Variants in RGS7 observed in about 807,000 individuals in gnomAD.
RGS7 encodes regulator of G protein signaling 7, also known as regulator of G-protein signaling 7.
A neutral mutation model predicts 81.1 loss-of-function variants in RGS7; 27 were observed. The observed-to-expected ratio is 0.33, with a 90% CI of 0.25 to 0.46. The LOEUF is 0.46. Ranked by LOEUF, RGS7 falls within the 20% of genes least tolerant of loss-of-function variation. RGS7 has a pLI of 1.00. For missense variants in RGS7, 396 were observed against 607.4 expected, an observed-to-expected ratio of 0.65 and a Z score of 3.66; for synonymous variants, 208 against 207.7, an observed-to-expected ratio of 1.00 and a Z score of -0.01.
At chr1:241,162,745 C>T (rs762099367) in intron 2 of RGS7, among the ~76,000 whole-genome samples, 2 of 152,178 alleles carry the variant, frequency 1.3e-5, no homozygotes, top group African/African-American at 2.4e-5. Context: ...CTGGTCACAC[C>T]ATCAAGTAAG....
At chr1:240,935,296 A>C (rs1348207458) in intron 5 of RGS7, among the ~76,000 whole-genome samples, 1 of 152,166 alleles carries the variant, frequency 6.6e-6, no homozygotes, top group Non-Finnish European at 1.5e-5. Context: ...AAAATCAGGA[A>C]GCATTAGTCA....
intron 2 of RGS7, among the ~76,000 whole-genome samples, chr1:241,343,000 C>T (rs1190924238): frequency 2.0e-5 from 3 of 152,122 alleles, no homozygotes; most frequent in Admixed American, 6.5e-5. Flanking sequence ...CGGTGGCTCA[C>T]ACCTGGAATC....
chr1:241,057,838 G>A (rs1256427888), intron 3 of RGS7, among the ~76,000 whole-genome samples: 1 of 152,094 alleles, frequency 6.6e-6, no homozygotes, highest in East Asian at 1.9e-4. Context: ...CTCCAGCCTG[G>A]GCGACAAAGC....
intron 2 of RGS7, among the ~76,000 whole-genome samples, chr1:241,148,051 C>CTTTTTTTTT (rs58632066): frequency 3.7e-5 from 4 of 108,494 alleles, no homozygotes; most frequent in Non-Finnish European, 5.5e-5. Context: ...TTTTCTTTTT[C>CTTTTTTTTT]TTTTTTTTTT....
At chr1:241,321,538 T>A (rs2081214914) in intron 2 of RGS7, among the ~76,000 whole-genome samples, 1 of 152,158 alleles carries the variant, frequency 6.6e-6, no homozygotes, top group Non-Finnish European at 1.5e-5. Context: ...AAAGATTTTT[T>A]TAACTATTTC....
At chr1:241,148,353 A>C (rs904197116) in intron 2 of RGS7, among the ~76,000 whole-genome samples, 1 of 152,112 alleles carries the variant, frequency 6.6e-6, no homozygotes, top group African/African-American at 2.4e-5. Flanking sequence ...GACTGGCCTC[A>C]GATTTTCTAT....
intron 2 of RGS7, among the ~76,000 whole-genome samples, chr1:241,184,268 A>G (rs777423159): frequency 1.4e-4 from 22 of 152,222 alleles, no homozygotes; most frequent in Non-Finnish European, 2.8e-4. Flanking sequence ...TCAAGAGCCA[A>G]TAAAAACATG....
rs901636054 is a variant in RGS7, at chr1:241,294,282, A to T, written c.78+61417T>A. Among the ~76,000 whole-genome samples, 4 of 148,780 alleles carry T rather than the reference A, an allele frequency of 2.7e-5. No individual in the cohort carries two copies. The East Asian group carries it at 8.3e-4, about 31-fold the overall frequency. On this transcript the variant is annotated intron_variant, in intron 2 of 18. Transcript: ENST00000440928. ...AGGGAGGGGAACATCACACACTGGGACCTGTCGGGGGTGGGGGGCAAGAAC... is the reference window on the plus strand; with the variant it reads ...AGGGAGGGGAACATCACACACTGGGTCCTGTCGGGGGTGGGGGGCAAGAAC...
At chr1:241,054,800 T>C (rs2061404868) in intron 3 of RGS7, among the ~76,000 whole-genome samples, 1 of 152,216 alleles carries the variant, frequency 6.6e-6, no homozygotes, top group African/African-American at 2.4e-5. Context: ...TCCTTTCCAC[T>C]GTTTCCACCT....
chr1:241,251,251 C>G (rs1044216029), intron 2 of RGS7, among the ~76,000 whole-genome samples: 6 of 152,092 alleles, frequency 3.9e-5, no homozygotes, highest in African/African-American at 1.4e-4. Flanking sequence ...GAAAAAGTAC[C>G]TGAAGCCTTT....
At chr1:241,238,165 T>C (rs1260057422) in intron 2 of RGS7, among the ~76,000 whole-genome samples, 1 of 152,142 alleles carries the variant, frequency 6.6e-6, no homozygotes, top group Non-Finnish European at 1.5e-5. Context: ...GCAGGTATTG[T>C]AGAAGCTCAG....
chr1:241,248,681 A>G (rs549385760), intron 2 of RGS7, among the ~76,000 whole-genome samples: 1 of 152,192 alleles, frequency 6.6e-6, no homozygotes, highest in Non-Finnish European at 1.5e-5. Flanking sequence ...ATTCATTCCT[A>G]GAGTGAACAT....
intron 2 of RGS7, among the ~76,000 whole-genome samples, chr1:241,139,404 A>C (rs2067764032): frequency 1.3e-5 from 2 of 152,232 alleles, no homozygotes; most frequent in Non-Finnish European, 1.5e-5. Context: ...TTGTGACACA[A>C]GTTAGGGTTG....
chr1:240,912,102 G>A (rs1671850245), intron 6 of RGS7, among the ~76,000 whole-genome samples: 2 of 129,854 alleles, frequency 1.5e-5, no homozygotes, highest in Admixed American at 1.9e-4. Flanking sequence ...AGTGAGCTGA[G>A]ATCGTGCCAC....
At position 241,040,884 on chromosome 1, in the gene RGS7, C is replaced by A. The variant is rs570891042; in HGVS notation, c.176-57755G>T. Among the ~76,000 whole-genome samples the A allele has an allele frequency of 6.4e-4, 98 of 152,298 alleles. 1 individual carries two copies. The highest frequency in any genetic ancestry group is 2.3e-3 in the African/African-American group (95 of 41,564). On this transcript the variant is annotated intron_variant, in intron 3 of 18. Transcript: ENST00000440928. ...CTATTATAAATTTTCCCTGTTCTATCTAACCAACAGAATGTATTACTCTTC... is the reference window on the plus strand; with the variant it reads ...CTATTATAAATTTTCCCTGTTCTATATAACCAACAGAATGTATTACTCTTC...
chr1:240,832,947 C>T (rs765404155), intron 9 of RGS7, among the ~76,000 whole-genome samples: 6 of 152,078 alleles, frequency 3.9e-5, no homozygotes, highest in Non-Finnish European at 5.9e-5. Context: ...ATGCCTGAAA[C>T]CACGGATAGT....
chr1:241,207,433 T>C (rs981865975), intron 2 of RGS7, among the ~76,000 whole-genome samples: 4 of 151,460 alleles, frequency 2.6e-5, no homozygotes, highest in Non-Finnish European at 5.9e-5. Flanking sequence ...GAAATCTGAT[T>C]ATTCATTCAG....
intron 7 of RGS7, among the ~76,000 whole-genome samples, chr1:240,869,812 C>G (rs145777739): frequency 6.6e-6 from 1 of 152,118 alleles, no homozygotes; most frequent in Non-Finnish European, 1.5e-5. Context: ...TGGTGGTGCA[C>G]GCCTATAATC....
chr1:241,325,103 T>A (rs1383780973), intron 2 of RGS7, among the ~76,000 whole-genome samples: 2 of 152,232 alleles, frequency 1.3e-5, no homozygotes, highest in African/African-American at 2.4e-5. Flanking sequence ...AATTCCTCCA[T>A]GTTCCCATCC....
Sources: gnomAD v4.1 joint callset for allele counts (sites outside exome capture counted in the v4.1 genomes callset) on GRCh38, gnomAD v4.1.1 for gene constraint, MANE v1.5 for transcripts, NCBI Gene and HGNC (gene_info 2026-07-23, HGNC 2026-07-21) for gene names.